The following SLC26A8 variants were observed in gnomAD, a reference collection of about 807,000 sequenced individuals.
SLC26A8 encodes the protein solute carrier family 26 member 8.
A neutral mutation model predicts 105.0 loss-of-function variants in SLC26A8; 70 were observed. The ratio of observed to expected loss-of-function variants is 0.67; its 90% CI spans 0.55 to 0.81. The LOEUF (loss-of-function observed/expected upper bound fraction) is 0.81. SLC26A8 is among the 40% of genes least tolerant of loss of function. The pLI, the probability that SLC26A8 is intolerant of heterozygous loss-of-function variation, is 0.00. For synonymous variants in SLC26A8, 415 were observed against 438.3 expected (o/e 0.95, Z 0.66); for missense variants, 998 against 1,181.8 (o/e 0.84, Z 2.28).
chr6:35,961,209 G>A (rs1364030112), intron 12 of SLC26A8, 110 bp from the exon 13 acceptor site: 2 of 831,714 alleles, frequency 2.4e-6, no homozygotes, highest in Middle Eastern at 3.1e-4. Context: ...CTACACCTGG[G>A]CTTTAGGGAA....
intron 11 of SLC26A8, among the ~76,000 whole-genome samples, chr6:35,966,976 G>A (rs1772543463): frequency 6.6e-6 from 1 of 152,168 alleles, no homozygotes; most frequent in African/African-American, 2.4e-5. Context: ...GCTTCATTTA[G>A]TTGTAAAGAA....
chr6:35,945,088 G>C (rs1771616767), intron 19 of SLC26A8, among the ~76,000 whole-genome samples: 1 of 152,124 alleles, frequency 6.6e-6, no homozygotes, highest in South Asian at 2.1e-4. Flanking sequence ...GAGCTCAAGT[G>C]ATCCACCTGC....
At chr6:35,974,130 C>G (rs531763027) in intron 10 of SLC26A8, among the ~76,000 whole-genome samples, 1 of 152,268 alleles carries the variant, frequency 6.6e-6, no homozygotes, top group African/African-American at 2.4e-5. Flanking sequence ...CCAGCCTGGC[C>G]AACATAGTAA....
At chr6:35,958,009 C>G (rs1245160163) in intron 16 of SLC26A8, among the ~76,000 whole-genome samples, 1 of 152,164 alleles carries the variant, frequency 6.6e-6, no homozygotes, top group African/African-American at 2.4e-5. Context: ...GGCTAAGCCT[C>G]TATCCTAAGA....
At chr6:36,004,631 T>C (rs1761630813) in intron 3 of SLC26A8, among the ~76,000 whole-genome samples, 3 of 151,628 alleles carry the variant, frequency 2.0e-5, no homozygotes, top group Admixed American at 6.6e-5. Flanking sequence ...CATTATAATG[T>C]TGTAATGTTG....
chr6:35,991,901 C>T (rs758061523), intron 6 of SLC26A8, 93 bp from the exon 7 acceptor site: 6 of 1,266,002 alleles, frequency 4.7e-6, no homozygotes, highest in Non-Finnish European at 6.3e-6. Context: ...AAAAAGAAGT[C>T]CCCAAGTAGA....
intron 3 of SLC26A8, among the ~76,000 whole-genome samples, chr6:36,007,293 C>T (rs1459725293): frequency 6.6e-6 from 1 of 152,106 alleles, no homozygotes; most frequent in Non-Finnish European, 1.5e-5. Flanking sequence ...ACAAGAAAAA[C>T]ACACAAATAT....
At chr6:35,989,136 G>A (rs777606949) in intron 7 of SLC26A8, among the ~76,000 whole-genome samples, 55 of 151,994 alleles carry the variant, frequency 3.6e-4, no homozygotes, top group Non-Finnish European at 6.3e-4. Flanking sequence ...CACCGCACCC[G>A]GCCAGTTCTA....
At chr6:35,951,767 AG>A (rs1771881720) in intron 17 of SLC26A8, among the ~76,000 whole-genome samples, 1 of 152,278 alleles carries the variant, frequency 6.6e-6, no homozygotes, top group Admixed American at 6.5e-5. Context: ...TAATAGAGAC[AG>A]GGTTTCACCA....
chr6:36,020,084 T>C (rs749499043), intron 1 of SLC26A8, among the ~76,000 whole-genome samples: 1 of 152,242 alleles, frequency 6.6e-6, no homozygotes, highest in African/African-American at 2.4e-5. Flanking sequence ...ATCCAGCATA[T>C]ATGAAGAAGT....
In SLC26A8 at chr6:35,943,959, T is replaced by C. The variant is rs1771570512; in HGVS notation, c.2854A>G (p.Arg952Gly). Residue 952 changes from arginine (R) to glycine (G), a missense_variant, in exon 20 of 20, where the codon AGG becomes GGG. By Grantham distance (125) the Arg-to-Gly change is moderately radical. Coordinates refer to ENST00000490799, the MANE Select transcript of SLC26A8 (RefSeq NM_052961.4). ...TATGAATCCATAGGATGGCGTCTCC[T>C]CTCCACTGACCATGTCCGAGTCTGA... ...QTQTRTWSVE[R>G]RRHPMDSYSP... 1 of 1,614,152 alleles carries C rather than the reference T, an allele frequency of 6.2e-7. No individual in the cohort carries two copies. Among genetic ancestry groups the C allele is most frequent in the South Asian group, 1.1e-5 (1 of 91,084 alleles).
chr6:35,985,040 C>T (rs1357572768), intron 7 of SLC26A8, among the ~76,000 whole-genome samples: 1 of 152,196 alleles, frequency 6.6e-6, no homozygotes, highest in Non-Finnish European at 1.5e-5. Context: ...GTCTCCACAA[C>T]CCCTTACCGT....
intron 5 of SLC26A8, among the ~76,000 whole-genome samples, chr6:35,994,681 T>C (rs1465126634): frequency 6.6e-6 from 1 of 151,774 alleles, no homozygotes; most frequent in African/African-American, 2.4e-5. Context: ...GTTCAGGTGA[T>C]TCTCCCACCT....
intron 1 of SLC26A8, among the ~76,000 whole-genome samples, chr6:36,021,540 G>C (rs938716724): frequency 2.0e-5 from 3 of 152,138 alleles, no homozygotes; most frequent in Non-Finnish European, 4.4e-5. Flanking sequence ...AAGGAGGATT[G>C]GTGTAAAATA....
At chr6:36,006,462 T>A (rs1401878820) in intron 3 of SLC26A8, among the ~76,000 whole-genome samples, 1 of 152,198 alleles carries the variant, frequency 6.6e-6, no homozygotes, top group African/African-American at 2.4e-5. Context: ...GAGTACCTAC[T>A]ATGTGCTAGG....
intron 7 of SLC26A8, among the ~76,000 whole-genome samples, chr6:35,988,059 C>T (rs560334025): frequency 5.9e-5 from 9 of 151,940 alleles, no homozygotes; most frequent in South Asian, 2.1e-4. Context: ...TACAGGCACA[C>T]GCCACCATGC....
At chr6:35,955,722 T>A (rs879559117) in intron 16 of SLC26A8, among the ~76,000 whole-genome samples, 2 of 152,118 alleles carry the variant, frequency 1.3e-5, no homozygotes, top group Non-Finnish European at 2.9e-5. Context: ...TCTTTCCTCA[T>A]CTTCACCACC....
intron 2 of SLC26A8, among the ~76,000 whole-genome samples, chr6:36,018,585 G>A (rs1440237107): frequency 2.0e-5 from 3 of 152,080 alleles, no homozygotes; most frequent in African/African-American, 7.2e-5. Context: ...TAGCGGTGAT[G>A]GTTTCACAAC....
chr6:36,001,393 G>C (rs1213151183), intron 3 of SLC26A8, among the ~76,000 whole-genome samples: 1 of 152,190 alleles, frequency 6.6e-6, no homozygotes, highest in Non-Finnish European at 1.5e-5. Flanking sequence ...CTCCCAAAGT[G>C]CTGGGATTAC....
Sources: gnomAD v4.1 joint callset for allele counts (sites outside exome capture counted in the v4.1 genomes callset) on GRCh38, gnomAD v4.1.1 for gene constraint, MANE v1.5 for transcripts, NCBI Gene and HGNC (gene_info 2026-07-23, HGNC 2026-07-21) for gene names.